The following CAPN5 variants were observed in gnomAD, a reference collection of about 807,000 sequenced individuals.
CAPN5 encodes the protein calpain 5, also known as calpain-5.
In CAPN5, 54 loss-of-function variants were observed where a neutral mutation model predicts 73.0. That is an observed-to-expected ratio of 0.74 (90% confidence interval 0.59 to 0.93). CAPN5 has a LOEUF of 0.93. Ranked by LOEUF, CAPN5 falls within the 40% of genes least tolerant of loss-of-function variation. The pLI is 0.00. For synonymous variants in CAPN5, 335 were observed against 356.9 expected (o/e 0.94, Z 0.69); for missense variants, 785 against 882.9 (o/e 0.89, Z 1.41).
At position 77,124,006 on chromosome 11, in the gene CAPN5, A is replaced by G; in HGVS notation, c.*136A>G. The G allele has an allele frequency of 6.3e-6, 5 of 793,644 alleles. No homozygotes were observed. The highest frequency in any genetic ancestry group is 9.9e-6 in the Non-Finnish European group (5 of 505,858). The allele number at this position is 793,644 out of a possible 1,614,324, so 49.2% of individuals were successfully genotyped here. ...ACTGACTTGCTGTGTGACCTTAGGA[A>G]GTCTCTGCCCCTCTCTCAGCCTCAG... On this transcript the variant is annotated 3_prime_UTR_variant, in exon 13 of 13. Transcript: ENST00000648180.
chr11:77,118,474 C>T (rs1169830680), intron 8 of CAPN5, 122 bp downstream of exon 8: 16 of 804,728 alleles, frequency 2.0e-5, no homozygotes, highest in Non-Finnish European at 3.1e-5. Flanking sequence ...CCTCAGCAAA[C>T]CTGTCTGTAC....
intron 3 of CAPN5, among the ~76,000 whole-genome samples, chr11:77,105,000 TGAA>T (rs1470835315): frequency 1.3e-5 from 2 of 151,908 alleles, no homozygotes; most frequent in South Asian, 2.1e-4. Flanking sequence ...GGGACAGGCT[TGAA>T]GAAGTCTCGG....
chr11:77,122,447 G>A, intron 11 of CAPN5, 129 bp from the exon 12 acceptor site: 2 of 782,582 alleles, frequency 2.6e-6, no homozygotes, highest in Non-Finnish European at 4.2e-6. Flanking sequence ...AAGGGGCCCT[G>A]AGGTGGGTCA....
intron 9 of CAPN5, 149 bp from the exon 10 acceptor site, chr11:77,120,564 C>A: frequency 3.5e-6 from 2 of 573,398 alleles, no homozygotes; most frequent in Non-Finnish European, 6.1e-6. Context: ...AAACACGAAT[C>A]CGCTTCTGTT....
Position 77,118,286 on chromosome 11 carries a change from G to T in CAPN5, c.1101G>T (p.Glu367Asp). 1 of 1,613,760 alleles carries T rather than the reference G, an allele frequency of 6.2e-7. No homozygotes were observed. The highest frequency in any genetic ancestry group is 1.3e-5 in the African/African-American group (1 of 75,072). Residue 367 changes from glutamate to aspartate, a missense_variant, in exon 8 of 13, where the codon GAG becomes GAT. Transcript: ENST00000648180. Reference protein sequence around the residue: ...ARLHGAWTLHEDPRQNRGGGC... With the variant: ...ARLHGAWTLHDDPRQNRGGGC... Reference sequence around the variant, plus strand: ...TGCATGGCGCCTGGACGCTGCATGAGGACCCGCGACAGAACCGCGGTGGCG... The same window carrying T: ...TGCATGGCGCCTGGACGCTGCATGATGACCCGCGACAGAACCGCGGTGGCG...
intron 1 of CAPN5, among the ~76,000 whole-genome samples, chr11:77,083,995 G>A (rs782372023): frequency 6.6e-6 from 1 of 152,226 alleles, no homozygotes; most frequent in Non-Finnish European, 1.5e-5. Flanking sequence ...CGGGGACTGT[G>A]GAGCTGCACC....
At chr11:77,074,920 G>C (rs1591109187) in intron 1 of CAPN5, among the ~76,000 whole-genome samples, 1 of 152,124 alleles carries the variant, frequency 6.6e-6, no homozygotes, top group Non-Finnish European at 1.5e-5. Context: ...TCTCCCACTC[G>C]GCCCTGGAAC....
intron 1 of CAPN5, among the ~76,000 whole-genome samples, chr11:77,079,787 G>GTGTGT (rs1371845788): frequency 1.4e-5 from 2 of 144,818 alleles, no homozygotes; most frequent in Non-Finnish European, 3.0e-5. Context: ...TTGAGATTGT[G>GTGTGT]TGTGTGTGTG....
chr11:77,072,424 C>T (rs1296371044), intron 1 of CAPN5, among the ~76,000 whole-genome samples: 1 of 152,228 alleles, frequency 6.6e-6, no homozygotes, highest in African/African-American at 2.4e-5. Flanking sequence ...GGGCAGATTC[C>T]CATCTGACTC....
At chr11:77,119,214 C>A in intron 9 of CAPN5, 62 bp downstream of exon 9, 2 of 1,542,006 alleles carry the variant, frequency 1.3e-6, no homozygotes, top group South Asian at 2.4e-5. Flanking sequence ...GTTTGGACTG[C>A]CCATGCCTGA....
intron 2 of CAPN5, among the ~76,000 whole-genome samples, chr11:77,086,966 G>A (rs1227533633): frequency 1.2e-4 from 19 of 152,292 alleles, no homozygotes; most frequent in African/African-American, 4.3e-4. Context: ...TCCTCCTCTC[G>A]TTGCCTTCCT....
At chr11:77,101,878 GC>G (rs1950288667) in intron 3 of CAPN5, among the ~76,000 whole-genome samples, 1 of 152,198 alleles carries the variant, frequency 6.6e-6, no homozygotes, top group Non-Finnish European at 1.5e-5. Flanking sequence ...TTCTTCCTCG[GC>G]CCCTGGGGGA....
chr11:77,107,500 C>T (rs111537205), intron 3 of CAPN5, among the ~76,000 whole-genome samples: 2 of 152,118 alleles, frequency 1.3e-5, no homozygotes, highest in African/African-American at 2.4e-5. Flanking sequence ...CCTGGGCTGC[C>T]GACCCCCTCC....
At position 77,088,252 on chromosome 11, in the gene CAPN5, C is replaced by T. The variant is rs563216281; in HGVS notation, c.165+3201C>T. Among the ~76,000 whole-genome samples, 34 of 151,598 alleles carry T rather than the reference C, an allele frequency of 2.2e-4. No individual in the cohort carries two copies. The South Asian group carries it at 4.6e-3, about 20-fold the overall frequency. ...AATTCCCCTAGTGCAGTCTCGGGGG[C>T]CCCAGCCTCAGCCCAGTCCCGGGGA... On this transcript the variant is annotated intron_variant, in intron 2 of 12. Coordinates refer to ENST00000648180, the MANE Select transcript of CAPN5 (RefSeq NM_004055.5).
chr11:77,114,980 T>C (rs952455981), intron 5 of CAPN5, among the ~76,000 whole-genome samples: 4 of 152,060 alleles, frequency 2.6e-5, no homozygotes, highest in African/African-American at 7.2e-5. Context: ...GGAGAATTGC[T>C]TGAACCCGGG....
intron 12 of CAPN5, among the ~76,000 whole-genome samples, chr11:77,123,398 C>G (rs1378579861): frequency 1.3e-5 from 2 of 152,170 alleles, no homozygotes; most frequent in Non-Finnish European, 2.9e-5. Flanking sequence ...GATGGGGAAA[C>G]TAGGGCAGTG....
At chr11:77,110,668 C>T (rs184522057) in intron 3 of CAPN5, among the ~76,000 whole-genome samples, 99 of 152,308 alleles carry the variant, frequency 6.5e-4, no homozygotes, top group African/African-American at 2.2e-3. Flanking sequence ...TGCCTGGCAC[C>T]CAACAGGGCT....
intron 6 of CAPN5, 99 bp from the exon 7 acceptor site, chr11:77,116,127 C>A: frequency 1.8e-6 from 2 of 1,109,416 alleles, no homozygotes; most frequent in East Asian, 2.6e-5. Context: ...AGGCCTGGTG[C>A]AAGACTGCCC....
chr11:77,098,402 C>A (rs1286561625), intron 3 of CAPN5, among the ~76,000 whole-genome samples: 3 of 87,414 alleles, frequency 3.4e-5, no homozygotes, highest in African/African-American at 9.6e-5. Context: ...CCTCCCGGAC[C>A]GGGCGGCTGG....
Sources: gnomAD v4.1 joint callset for allele counts (sites outside exome capture counted in the v4.1 genomes callset) on GRCh38, gnomAD v4.1.1 for gene constraint, MANE v1.5 for transcripts, NCBI Gene and HGNC (gene_info 2026-07-23, HGNC 2026-07-21) for gene names.